Variants in SLC24A2 observed in about 807,000 individuals in gnomAD.
The protein encoded by SLC24A2 is sodium/potassium/calcium exchanger 2.
Under a neutral mutation model 62.0 loss-of-function variants are expected in SLC24A2, and 36 were observed. The observed-to-expected ratio is 0.58, with a 90% confidence interval of 0.44 to 0.77. SLC24A2 has a LOEUF of 0.77. SLC24A2 is among the 30% of genes least tolerant of loss of function. The probability of loss-of-function intolerance (pLI) is 0.00; values close to 1 mark genes in which losing one functional copy is unlikely to be tolerated. For synonymous variants in SLC24A2, 358 were observed against 294.0 expected (o/e 1.22, Z -2.23); for missense variants, 846 against 817.9 (o/e 1.03, Z -0.42).
At chr9:19,729,878 C>T (rs78946421) in intron 2 of SLC24A2, among the ~76,000 whole-genome samples, 6,575 of 152,022 alleles carry the variant, frequency 0.043, 194 homozygotes, top group South Asian at 0.085. Context: ...TTAGACATTA[C>T]CAACACAAAA....
chr9:19,832,742 G>A, the SLC24A2 span, among the ~76,000 whole-genome samples: 2 of 152,090 alleles, frequency 1.3e-5, 1 homozygote, highest in South Asian at 4.1e-4. Flanking sequence ...CTGACAAATG[G>A]GATCTAATTA....
At chr9:19,668,420 T>C (rs569519148) in intron 2 of SLC24A2, among the ~76,000 whole-genome samples, 1 of 152,324 alleles carries the variant, frequency 6.6e-6, no homozygotes, top group South Asian at 2.1e-4. Context: ...AAGCAGTAGA[T>C]TGGGACCAAT....
chr9:19,883,801 G>C, the SLC24A2 span, among the ~76,000 whole-genome samples: 4 of 151,910 alleles, frequency 2.6e-5, no homozygotes, highest in African/African-American at 9.7e-5. Context: ...TCCTGACCTC[G>C]TGATCCGCCC....
At chr9:19,586,874 T>A (rs1836391980) in intron 5 of SLC24A2, among the ~76,000 whole-genome samples, 1 of 152,190 alleles carries the variant, frequency 6.6e-6, no homozygotes, top group South Asian at 2.1e-4. Context: ...TGCCTTATTC[T>A]CAGATTTGAT....
the SLC24A2 span, among the ~76,000 whole-genome samples, chr9:19,868,255 T>A: frequency 2.0e-5 from 3 of 152,202 alleles, no homozygotes; most frequent in Non-Finnish European, 2.9e-5. Context: ...TGATTTATTC[T>A]TTGATCTATT....
chr9:19,546,779 T>C (rs560720215), intron 8 of SLC24A2, among the ~76,000 whole-genome samples: 162 of 152,070 alleles, frequency 1.1e-3, no homozygotes, highest in African/African-American at 3.7e-3. Flanking sequence ...GCTCAGGGTC[T>C]GCCCAAATGG....
chr9:20,111,429 C>T, the SLC24A2 span, among the ~76,000 whole-genome samples: 1 of 152,082 alleles, frequency 6.6e-6, no homozygotes, highest in Non-Finnish European at 1.5e-5. Context: ...GGCACTGCAC[C>T]GTCTCTTATT....
chr9:20,085,866 C>A, the SLC24A2 span, among the ~76,000 whole-genome samples: 28 of 152,142 alleles, frequency 1.8e-4, no homozygotes, highest in Admixed American at 3.3e-4. Context: ...TTTTTTTAAA[C>A]CTGTGTTTTT....
At chr9:19,625,301 A>C (rs1731938134) in intron 2 of SLC24A2, among the ~76,000 whole-genome samples, 2 of 152,274 alleles carry the variant, frequency 1.3e-5, no homozygotes, top group Admixed American at 6.5e-5. Context: ...TCCTATAAAT[A>C]AATAAATAAA....
At chr9:19,667,147 A>G (rs1017166323) in intron 2 of SLC24A2, among the ~76,000 whole-genome samples, 2 of 152,246 alleles carry the variant, frequency 1.3e-5, no homozygotes, top group Non-Finnish European at 2.9e-5. Flanking sequence ...AAGAGAAAAT[A>G]AAACCTTGAG....
At chr9:19,920,306 T>C in the SLC24A2 span, among the ~76,000 whole-genome samples, 2 of 152,340 alleles carry the variant, frequency 1.3e-5, no homozygotes, top group South Asian at 2.1e-4. Flanking sequence ...CAATGCAGTA[T>C]GGCAGAATGA....
chr9:20,005,654 G>A, the SLC24A2 span, among the ~76,000 whole-genome samples: 3 of 151,858 alleles, frequency 2.0e-5, no homozygotes, highest in Non-Finnish European at 4.4e-5. Flanking sequence ...GTGGGACAGG[G>A]TATTTCTTAA....
the SLC24A2 span, among the ~76,000 whole-genome samples, chr9:20,212,446 T>C: frequency 1.3e-5 from 2 of 151,686 alleles, no homozygotes; most frequent in East Asian, 3.9e-4. Flanking sequence ...AGGTCAGGAG[T>C]TTGAGACCAG....
the SLC24A2 span, among the ~76,000 whole-genome samples, chr9:19,883,213 T>C: frequency 6.6e-6 from 1 of 152,226 alleles, no homozygotes; most frequent in South Asian, 2.1e-4. Context: ...CTCTATTTCT[T>C]AGATATTGCG....
chr9:19,658,692 C>T (rs1428403982), intron 2 of SLC24A2, among the ~76,000 whole-genome samples: 1 of 152,208 alleles, frequency 6.6e-6, no homozygotes, highest in East Asian at 1.9e-4. Flanking sequence ...TGATATCCTG[C>T]CCTGGGGCTT....
chr9:19,817,050 T>C, the SLC24A2 span, among the ~76,000 whole-genome samples: 124,252 of 152,064 alleles, frequency 0.82, 51,973 homozygotes, highest in Non-Finnish European at 0.92. Flanking sequence ...TGAAGTAGTT[T>C]GTGATTCGTA....
chr9:19,994,490 C>A, the SLC24A2 span, among the ~76,000 whole-genome samples: 1 of 152,146 alleles, frequency 6.6e-6, no homozygotes, highest in Non-Finnish European at 1.5e-5. Flanking sequence ...GTGGGTCTAG[C>A]AGCTGCAAGG....
chr9:19,752,072 T>G (rs73646144), intron 2 of SLC24A2, among the ~76,000 whole-genome samples: 3,653 of 152,210 alleles, frequency 0.024, 80 homozygotes, highest in African/African-American at 0.05. Flanking sequence ...ATGGCAGAAT[T>G]AGACCTGAAA....
the SLC24A2 span, among the ~76,000 whole-genome samples, chr9:20,189,774 C>T: frequency 6.6e-6 from 1 of 152,074 alleles, no homozygotes; most frequent in Non-Finnish European, 1.5e-5. Context: ...AATCGCATTA[C>T]TTTAGCTACG....
Sources: gnomAD v4.1 joint callset for allele counts (sites outside exome capture counted in the v4.1 genomes callset) on GRCh38, gnomAD v4.1.1 for gene constraint, MANE v1.5 for transcripts, NCBI Gene and HGNC (gene_info 2026-07-23, HGNC 2026-07-21) for gene names.